The following SLC25A12 variants were observed in gnomAD, a reference collection of about 807,000 sequenced individuals.
SLC25A12 encodes solute carrier family 25 member 12, also known as electrogenic aspartate/glutamate antiporter SLC25A12, mitochondrial.
SLC25A12 carries 32 observed loss-of-function variants against 83.3 expected under a neutral mutation model. The ratio of observed to expected loss-of-function variants is 0.38; its 90% CI spans 0.29 to 0.52. The LOEUF (loss-of-function observed/expected upper bound fraction) is 0.52. SLC25A12 is among the 20% of genes least tolerant of loss of function. SLC25A12 has a pLI of 0.84. For missense variants in SLC25A12, 611 were observed against 835.6 expected (o/e 0.73, Z 3.31); for synonymous variants, 267 against 291.1 (o/e 0.92, Z 0.84).
Position 171,787,865 on chromosome 2 carries a change from T to G in SLC25A12, c.1668A>C (p.Thr556=). The G allele has an allele frequency of 6.2e-7, 1 of 1,614,260 alleles. No homozygotes were observed. Among genetic ancestry groups the G allele is most frequent in the East Asian group, 2.2e-5 (1 of 44,892 alleles). Residue 556 remains threonine (T), a synonymous_variant, in exon 16 of 18, where the codon ACA becomes ACC. Transcript: ENST00000422440. Reference sequence around the variant, plus strand: ...TGAAACAGTCGATGACACCACTGTATGTCGTCTGGCCAGCGCGGGCAGCCA... The same window carrying G: ...TGAAACAGTCGATGACACCACTGTAGGTCGTCTGGCCAGCGCGGGCAGCCA... ...LQVAARAGQT[T]YSGVIDCFRK...
At chr2:171,879,488 T>C (rs756943942) in intron 2 of SLC25A12, among the ~76,000 whole-genome samples, 1 of 152,248 alleles carries the variant, frequency 6.6e-6, no homozygotes, top group East Asian at 1.9e-4. Context: ...TGAAATCAAT[T>C]GAAGCTACCA....
intron 2 of SLC25A12, among the ~76,000 whole-genome samples, chr2:171,888,426 A>G (rs1444959569): frequency 1.3e-5 from 2 of 151,084 alleles, no homozygotes; most frequent in Admixed American, 6.6e-5. Context: ...AAATAAAAAT[A>G]TATATATATT....
At chr2:171,855,689 T>C (rs942553673) in intron 4 of SLC25A12, 145 bp downstream of exon 4, 1 of 693,966 alleles carries the variant, frequency 1.4e-6, no homozygotes, top group African/African-American at 1.8e-5. Context: ...AATAAAGCCA[T>C]CATTATCTGC....
At chr2:171,886,612 C>T (rs1685826247) in intron 2 of SLC25A12, among the ~76,000 whole-genome samples, 1 of 151,872 alleles carries the variant, frequency 6.6e-6, no homozygotes, top group South Asian at 2.1e-4. Flanking sequence ...CAGGTTCACG[C>T]CATTCTCCTG....
intron 2 of SLC25A12, among the ~76,000 whole-genome samples, chr2:171,886,717 A>G (rs187092546): frequency 1.8e-3 from 270 of 152,046 alleles, no homozygotes; most frequent in South Asian, 2.7e-3. Flanking sequence ...TCACCATGTT[A>G]GCCAGGATGG....
chr2:171,845,302 T>C (rs538758960), intron 4 of SLC25A12, among the ~76,000 whole-genome samples: 1 of 152,048 alleles, frequency 6.6e-6, no homozygotes, highest in Non-Finnish European at 1.5e-5. Flanking sequence ...CAGAGTTCTA[T>C]ACTTACTATA....
At chr2:171,860,918 C>T (rs1558935255) in intron 3 of SLC25A12, among the ~76,000 whole-genome samples, 1 of 151,826 alleles carries the variant, frequency 6.6e-6, no homozygotes, top group Non-Finnish European at 1.5e-5. Context: ...CCTATCTCTA[C>T]AAAAAATACC....
chr2:171,835,226 T>C (rs1684530800), intron 6 of SLC25A12, among the ~76,000 whole-genome samples: 1 of 152,208 alleles, frequency 6.6e-6, no homozygotes. Context: ...ATAAACAAAA[T>C]CACTGTACAA....
chr2:171,793,496 T>C, intron 14 of SLC25A12, 131 bp downstream of exon 14: 1 of 921,238 alleles, frequency 1.1e-6, no homozygotes, highest in Non-Finnish European at 1.7e-6. Flanking sequence ...CTGATTCTTT[T>C]CTTTTTGTTT....
chr2:171,816,619 A>G (rs1455918718), intron 9 of SLC25A12, among the ~76,000 whole-genome samples: 2 of 151,860 alleles, frequency 1.3e-5, no homozygotes, highest in Non-Finnish European at 2.9e-5. Context: ...AATATTTTCC[A>G]TCCACAGTTG....
chr2:171,856,137 T>G (rs1222610977), intron 3 of SLC25A12, among the ~76,000 whole-genome samples, 188 bp from the exon 4 acceptor site: 1 of 152,134 alleles, frequency 6.6e-6, no homozygotes, highest in African/African-American at 2.4e-5. Context: ...TGTAAGCCCC[T>G]AGAAAATCAA....
chr2:171,795,767 G>A (rs933955111), intron 13 of SLC25A12, among the ~76,000 whole-genome samples: 1 of 151,692 alleles, frequency 6.6e-6, no homozygotes, highest in Admixed American at 6.6e-5. Flanking sequence ...ACTCCAATCC[G>A]TGTCCCCCAC....
chr2:171,865,212 G>A (rs187222738), intron 3 of SLC25A12, among the ~76,000 whole-genome samples: 2 of 152,116 alleles, frequency 1.3e-5, no homozygotes, highest in East Asian at 1.9e-4. Context: ...TTTGGAACTC[G>A]TTCTGCTCAG....
rs757947887 is a variant in SLC25A12 at position 171,786,338 on chromosome 2, C to T, written c.1836-863G>A. Among the ~76,000 whole-genome samples, 9 of 136,934 alleles carry T rather than the reference C, an allele frequency of 6.6e-5. 1 individual carries two copies. Among genetic ancestry groups the T allele is most frequent in the African/African-American group, 8.3e-5 (3 of 36,318 alleles). The allele number at this position is 136,934 out of a possible 152,430, so 89.8% of individuals were successfully genotyped here. A position where few individuals can be genotyped will look rare whatever the true frequency, so the allele number is the denominator to read the frequency against. On this transcript the variant is annotated intron_variant, in intron 17 of 17. Transcript: ENST00000422440. The stretch of plus-strand genomic sequence containing the variant: ...GGTGGAGGTTGCAGTGAGCCGAGAT[C>T]GTACCACTGCACTCCAGCCTGGGCG...
At chr2:171,869,685 T>G (rs1207737521) in intron 2 of SLC25A12, among the ~76,000 whole-genome samples, 1 of 152,226 alleles carries the variant, frequency 6.6e-6, no homozygotes, top group African/African-American at 2.4e-5. Context: ...TACTATGGGA[T>G]GACCAAACAT....
At chr2:171,884,552 C>G (rs769944041) in intron 2 of SLC25A12, among the ~76,000 whole-genome samples, 102 of 149,208 alleles carry the variant, frequency 6.8e-4, no homozygotes, top group South Asian at 1.9e-3. Flanking sequence ...GGTACATCAC[C>G]TGAGGTCAGG....
Position 171,815,216 on chromosome 2 carries a change from AAC to A in SLC25A12, c.931-16_931-15del. The A allele has an allele frequency of 3.1e-6, 5 of 1,597,460 alleles. No homozygotes were observed. The highest frequency in any genetic ancestry group is 4.3e-6 in the Non-Finnish European group (5 of 1,165,052). On this transcript the variant is annotated splice_polypyrimidine_tract_variant and intron_variant, in intron 9 of 17. Coordinates refer to ENST00000422440, the MANE Select transcript of SLC25A12 (RefSeq NM_003705.5). ...CCCAGGAGACTGCTGCAGAGAAGAA[AAC>A]GGGTAAAAAAAAATCTTGAAAGCGC...
At chr2:171,851,867 G>T (rs1684941547) in intron 4 of SLC25A12, among the ~76,000 whole-genome samples, 1 of 152,150 alleles carries the variant, frequency 6.6e-6, no homozygotes, top group African/African-American at 2.4e-5. Flanking sequence ...ATGCATGGCA[G>T]CTACTGACAA....
chr2:171,874,044 T>G (rs1685510808), intron 2 of SLC25A12, among the ~76,000 whole-genome samples: 1 of 152,030 alleles, frequency 6.6e-6, no homozygotes, highest in African/African-American at 2.4e-5. Context: ...CTGACCAACA[T>G]GGAGAAACCC....
Sources: allele counts gnomAD v4.1 joint callset (sites outside exome capture counted in the v4.1 genomes callset), GRCh38; gene constraint gnomAD v4.1.1; transcripts MANE v1.5; gene names NCBI Gene and HGNC (gene_info 2026-07-23, HGNC 2026-07-21).